Variants in SCLT1 observed in about 807,000 individuals in gnomAD.
SCLT1 encodes the protein sodium channel-associated protein 1.
In SCLT1, 78 loss-of-function variants were observed where a neutral mutation model predicts 112.8. The observed-to-expected ratio is 0.69, with a 90% CI of 0.58 to 0.83. SCLT1 has a LOEUF of 0.83. Ranked by LOEUF, SCLT1 falls within the 40% of genes least tolerant of loss-of-function variation. SCLT1 has a pLI of 0.00. For missense variants in SCLT1, 747 were observed against 770.4 expected, an observed-to-expected ratio of 0.97 and a Z score of 0.36; for synonymous variants, 257 against 254.7, an observed-to-expected ratio of 1.01 and a Z score of -0.09.
intron 2 of SCLT1, among the ~76,000 whole-genome samples, chr4:129,075,824 G>A (rs1219254759): frequency 2.0e-5 from 3 of 152,122 alleles, no homozygotes; most frequent in Non-Finnish European, 2.9e-5. Flanking sequence ...GTTAACTCAT[G>A]AGCAACAGGA....
At chr4:129,030,796 C>A (rs1311712372) in intron 5 of SCLT1, among the ~76,000 whole-genome samples, 1 of 152,090 alleles carries the variant, frequency 6.6e-6, no homozygotes, top group East Asian at 1.9e-4. Flanking sequence ...AAAACAAGTT[C>A]TAAAATTGAG....
chr4:129,083,812 G>A lies in SCLT1; in HGVS notation c.35-1439C>T, dbSNP rs1382387604. ...ATTGCATATACTAGAGAAAAAGTCT[G>A]AAGTTACAAATGCATTCCAAGAAGT... On this transcript the variant is annotated intron_variant, in intron 1 of 20. Transcript: ENST00000281142. Among the ~76,000 whole-genome samples the A allele has an allele frequency of 2.6e-5, 4 of 152,180 alleles. No individual in the cohort carries two copies. In the East Asian group the frequency reaches 7.7e-4, roughly 29 times the overall value.
intron 18 of SCLT1, among the ~76,000 whole-genome samples, chr4:128,923,263 T>C (rs1736018322): frequency 6.6e-6 from 1 of 152,000 alleles, no homozygotes; most frequent in South Asian, 2.1e-4. Context: ...CTCGCCAATA[T>C]GGTGAAACCC....
At chr4:129,000,136 T>A (rs1398069037) in intron 6 of SCLT1, among the ~76,000 whole-genome samples, 4 of 151,884 alleles carry the variant, frequency 2.6e-5, no homozygotes, top group Admixed American at 6.6e-5. Flanking sequence ...TGCCTCCTGG[T>A]AAAGTACAAT....
At chr4:128,981,927 A>G (rs921645041) in intron 9 of SCLT1, among the ~76,000 whole-genome samples, 8 of 152,074 alleles carry the variant, frequency 5.3e-5, no homozygotes, top group African/African-American at 1.9e-4. Flanking sequence ...ACATGATCGG[A>G]CATATTTTAG....
At chr4:129,078,003 A>C (rs1751608204) in intron 2 of SCLT1, among the ~76,000 whole-genome samples, 1 of 152,196 alleles carries the variant, frequency 6.6e-6, no homozygotes, top group African/African-American at 2.4e-5. Context: ...GGGAGTCTGG[A>C]AACAGCAACA....
chr4:129,064,898 T>G (rs1310418714), intron 2 of SCLT1, among the ~76,000 whole-genome samples: 1 of 152,176 alleles, frequency 6.6e-6, no homozygotes, highest in Non-Finnish European at 1.5e-5. Flanking sequence ...TGACTCAGCA[T>G]ATGGTCAATT....
At chr4:128,933,644 G>A (rs1393927162) in intron 18 of SCLT1, among the ~76,000 whole-genome samples, 1 of 152,028 alleles carries the variant, frequency 6.6e-6, no homozygotes, top group African/African-American at 2.4e-5. Flanking sequence ...TACTGGTCTT[G>A]TTTTTACTGT....
At position 128,990,803 on chromosome 4, in the gene SCLT1, A is replaced by G. The variant is rs900633178; in HGVS notation, c.686+1364T>C. On this transcript the variant is annotated intron_variant, in intron 9 of 20. Transcript: ENST00000281142. ...CCATATGCCAACTGAACAGTCTGAA[A>G]AAAAAAACAAGAAAGTAATCCCATT... Among the ~76,000 whole-genome samples the G allele has an allele frequency of 1.5e-4, 23 of 151,854 alleles. 1 individual carries two copies. Among genetic ancestry groups the G allele is most frequent in the Admixed American group, 6.6e-5 (1 of 15,212 alleles).
chr4:128,879,240 C>G (rs1329142837), downstream of SCLT1, among the ~76,000 whole-genome samples: 8 of 152,062 alleles, frequency 5.3e-5, no homozygotes, highest in Admixed American at 5.2e-4. Context: ...AACGCTGATC[C>G]TTGAACTGCA....
intron 9 of SCLT1, among the ~76,000 whole-genome samples, chr4:128,981,388 C>T (rs866967030): frequency 1.3e-5 from 2 of 152,180 alleles, no homozygotes; most frequent in African/African-American, 4.8e-5. Flanking sequence ...CTAAATATTA[C>T]CAGCCATTTA....
intron 5 of SCLT1, among the ~76,000 whole-genome samples, chr4:129,036,004 C>T (rs1004714899): frequency 6.6e-6 from 1 of 151,572 alleles, no homozygotes; most frequent in African/African-American, 2.4e-5. Context: ...TTACATAATC[C>T]ACACCATTGC....
chr4:128,885,635 G>A (rs113886528), intron 20 of SCLT1, among the ~76,000 whole-genome samples: 30 of 152,270 alleles, frequency 2.0e-4, no homozygotes, highest in African/African-American at 7.0e-4. Flanking sequence ...GCTTCAATCA[G>A]TATTTTTATA....
chr4:129,015,856 T>C (rs1190772967), intron 5 of SCLT1, among the ~76,000 whole-genome samples: 2 of 152,160 alleles, frequency 1.3e-5, no homozygotes, highest in African/African-American at 4.8e-5. Context: ...AGTGCCTTCC[T>C]TCTGAGAATC....
intron 2 of SCLT1, among the ~76,000 whole-genome samples, chr4:129,049,051 C>A (rs1176102544): frequency 6.6e-6 from 1 of 151,888 alleles, no homozygotes; most frequent in African/African-American, 2.4e-5. Flanking sequence ...ACTAGTTCAA[C>A]CATTGTGGAA....
intron 1 of SCLT1, among the ~76,000 whole-genome samples, chr4:129,082,711 A>G (rs1347269566): frequency 6.6e-6 from 1 of 152,184 alleles, no homozygotes; most frequent in African/African-American, 2.4e-5. Context: ...ACTACTACTA[A>G]AATTGAGAAG....
At chr4:129,046,560 A>G (rs186942307) in intron 2 of SCLT1, among the ~76,000 whole-genome samples, 1 of 152,218 alleles carries the variant, frequency 6.6e-6, no homozygotes, top group Admixed American at 6.6e-5. Flanking sequence ...AGTATGCCAC[A>G]ATATATTTAT....
At chr4:128,949,746 A>G in intron 14 of SCLT1, among the ~76,000 whole-genome samples, 1 of 150,878 alleles carries the variant, frequency 6.6e-6, no homozygotes, top group East Asian at 1.9e-4. Context: ...TCCATGGTGT[A>G]TATGTGCCAC....
chr4:128,942,978 C>T lies in SCLT1; in HGVS notation c.1632+18G>A. On this transcript the variant is annotated intron_variant, in intron 17 of 20. Coordinates refer to ENST00000281142, the MANE Select transcript of SCLT1 (RefSeq NM_144643.4). ...TTGATTTTCATAAGTACACATTTAACTCTAGTCTTGAAAATACCTTTACTT... is the reference window on the plus strand; with the variant it reads ...TTGATTTTCATAAGTACACATTTAATTCTAGTCTTGAAAATACCTTTACTT... The T allele has an allele frequency of 1.3e-6, 2 of 1,562,450 alleles. No homozygotes were observed. Among genetic ancestry groups the T allele is most frequent in the South Asian group, 2.3e-5 (2 of 86,702 alleles).
Sources: allele counts gnomAD v4.1 joint callset (sites outside exome capture counted in the v4.1 genomes callset), GRCh38; gene constraint gnomAD v4.1.1; transcripts MANE v1.5; gene names NCBI Gene and HGNC (gene_info 2026-07-23, HGNC 2026-07-21).